PLCL2: variants seen among roughly 807,000 people sequenced by gnomAD.
PLCL2 encodes phospholipase C like 2.
PLCL2 carries 4 observed loss-of-function variants against 79.6 expected under a neutral mutation model. That is an observed-to-expected ratio of 0.05 (90% confidence interval 0.02 to 0.11). The LOEUF (loss-of-function observed/expected upper bound fraction) is 0.11, where lower values mean the gene tolerates loss of function less well. Ranked by LOEUF, PLCL2 falls within the 10% of genes least tolerant of loss-of-function variation. The pLI is 1.00. For missense variants in PLCL2, 895 were observed against 1,291.0 expected, an observed-to-expected ratio of 0.69 and a Z score of 4.70; for synonymous variants, 484 against 457.7, an observed-to-expected ratio of 1.06 and a Z score of -0.73.
intron 5 of PLCL2, among the ~76,000 whole-genome samples, chr3:17,087,390 C>T (rs531438916): frequency 5.9e-5 from 9 of 152,246 alleles, no homozygotes; most frequent in Admixed American, 1.3e-4. Context: ...TATTACTAAG[C>T]GAAAGAAGCC....
At chr3:17,060,114 C>A (rs561644590) in intron 4 of PLCL2, among the ~76,000 whole-genome samples, 8 of 152,206 alleles carry the variant, frequency 5.3e-5, no homozygotes, top group African/African-American at 1.7e-4. Flanking sequence ...TTATCCCACC[C>A]AGGTGAGTCA....
intron 1 of PLCL2, among the ~76,000 whole-genome samples, chr3:16,983,068 A>G (rs2064016294): frequency 6.6e-6 from 1 of 152,224 alleles, no homozygotes; most frequent in African/African-American, 2.4e-5. Context: ...TAAAGTATAT[A>G]CTAAATAACA....
chr3:17,052,813 C>G (rs1382467804), intron 4 of PLCL2, among the ~76,000 whole-genome samples: 4 of 152,094 alleles, frequency 2.6e-5, no homozygotes, highest in African/African-American at 9.7e-5. Context: ...TTCTCTTCCT[C>G]GTGATTTTCT....
intron 1 of PLCL2, among the ~76,000 whole-genome samples, chr3:17,001,885 C>A (rs1425169281): frequency 6.6e-6 from 1 of 151,048 alleles, no homozygotes; most frequent in African/African-American, 2.4e-5. Flanking sequence ...TTTTTTACTT[C>A]TGTGCAGAAT....
At chr3:17,005,226 C>A (rs1034878772) in intron 1 of PLCL2, among the ~76,000 whole-genome samples, 41 of 152,130 alleles carry the variant, frequency 2.7e-4, no homozygotes, top group African/African-American at 9.7e-4. Flanking sequence ...TCCAGCAGGG[C>A]ATTAACTATC....
intron 1 of PLCL2, among the ~76,000 whole-genome samples, chr3:16,892,286 A>G (rs987212424): frequency 7.2e-5 from 11 of 152,234 alleles, no homozygotes; most frequent in Admixed American, 1.3e-4. Context: ...GGTTAATTCT[A>G]TAACTGTTCT....
rs769728195 is a variant in PLCL2 at position 17,089,796 on chromosome 3, T to C, written c.3268T>C (p.Phe1090Leu). Residue 1090 changes from phenylalanine (F) to leucine (L), a missense_variant, in exon 6 of 6, where the codon TTT (phenylalanine) becomes CTT (leucine). Phe to Leu is a conservative substitution (Grantham distance 22). This residue lies in a region of PLCL2 where 298 missense variants were observed against 459.6 expected (regional missense o/e 0.65). Coordinates refer to ENST00000615277, the MANE Select transcript of PLCL2 (RefSeq NM_001144382.2). ...ATTGGAGAACCTGAAACAAATCCATTTTGCTGCTGTTTCATGTGGACTGAA... is the reference window on the plus strand; with the variant it reads ...ATTGGAGAACCTGAAACAAATCCATCTTGCTGCTGTTTCATGTGGACTGAA... ...ETLENLKQIH[F>L]AAVSCGLNKP... The C allele has an allele frequency of 2.5e-6, 4 of 1,613,822 alleles. No individual in the cohort carries two copies. The East Asian group carries it at 8.9e-5, about 36-fold the overall frequency.
intron 5 of PLCL2, chr3:17,081,510 C>T (rs2065162152): frequency 3.9e-6 from 1 of 253,908 alleles, no homozygotes; most frequent in Admixed American, 5.1e-5. Context: ...GTTGTTTTGC[C>T]CCTACGTCTG....
intron 1 of PLCL2, among the ~76,000 whole-genome samples, chr3:16,991,720 T>C (rs567445008): frequency 1.8e-4 from 28 of 152,326 alleles, no homozygotes; most frequent in Non-Finnish European, 2.9e-4. Flanking sequence ...TTTCAAGTTT[T>C]AGTCTTATTA....
rs554630557 is a variant in PLCL2, at chr3:16,986,072, C to A, written c.328-23602C>A. ...TCTGGGTGGGAGACACCTTGTCCAA[C>A]CAATATGAACAGGCACAAGGAGCTG... On this transcript the variant is annotated intron_variant, in intron 1 of 5. Transcript: ENST00000615277. Among the ~76,000 whole-genome samples, 6 of 151,968 alleles carry A rather than the reference C, an allele frequency of 3.9e-5. No homozygotes were observed. In the East Asian group the frequency reaches 1.2e-3, roughly 29 times the overall value.
intron 5 of PLCL2, among the ~76,000 whole-genome samples, chr3:17,088,353 G>C (rs932304362): frequency 6.6e-6 from 1 of 152,088 alleles, no homozygotes; most frequent in Admixed American, 6.5e-5. Context: ...CGGAGGAGGT[G>C]TAAGTAGGAC....
chr3:16,929,456 T>C (rs916796118), intron 1 of PLCL2, among the ~76,000 whole-genome samples: 4 of 151,930 alleles, frequency 2.6e-5, no homozygotes, highest in African/African-American at 9.7e-5. Flanking sequence ...ACTCTGGGAG[T>C]TGGCTTGGAA....
At chr3:16,957,431 G>C (rs554678885) in intron 1 of PLCL2, among the ~76,000 whole-genome samples, 27 of 152,258 alleles carry the variant, frequency 1.8e-4, no homozygotes, top group African/African-American at 5.8e-4. Flanking sequence ...CATTTGCTGA[G>C]GAGTGCTTTA....
At chr3:16,939,502 TTG>T (rs1697624832) in intron 1 of PLCL2, among the ~76,000 whole-genome samples, 1 of 152,208 alleles carries the variant, frequency 6.6e-6, no homozygotes, top group African/African-American at 2.4e-5. Flanking sequence ...CCACAGTTAT[TTG>T]TGAATGTTGT....
chr3:16,995,679 A>G (rs1054375411), intron 1 of PLCL2, among the ~76,000 whole-genome samples: 2 of 152,236 alleles, frequency 1.3e-5, no homozygotes, highest in Non-Finnish European at 2.9e-5. Context: ...TTTGGATTAC[A>G]TTACTAAAAT....
chr3:17,025,626 G>T (rs988831744), intron 3 of PLCL2, among the ~76,000 whole-genome samples: 3 of 152,062 alleles, frequency 2.0e-5, no homozygotes, highest in Non-Finnish European at 4.4e-5. Flanking sequence ...ACACCTACTT[G>T]GGCCACCTTC....
At chr3:16,907,614 G>A (rs1157596230) in intron 1 of PLCL2, among the ~76,000 whole-genome samples, 1 of 152,210 alleles carries the variant, frequency 6.6e-6, no homozygotes, top group African/African-American at 2.4e-5. Flanking sequence ...GTGTGAGTCA[G>A]ACTGGGGGGT....
intron 1 of PLCL2, among the ~76,000 whole-genome samples, chr3:17,000,331 A>G (rs2064196325): frequency 1.3e-5 from 2 of 152,058 alleles, no homozygotes; most frequent in South Asian, 4.1e-4. Flanking sequence ...ATACATTATT[A>G]TTATATATAT....
chr3:17,000,523 A>G (rs1039559416), intron 1 of PLCL2, among the ~76,000 whole-genome samples: 2 of 152,096 alleles, frequency 1.3e-5, no homozygotes, highest in African/African-American at 4.8e-5. Context: ...TGTGCTGTCA[A>G]ACTCTAGAAC....
Sources: gnomAD v4.1 joint callset for allele counts (sites outside exome capture counted in the v4.1 genomes callset) on GRCh38, gnomAD v4.1.1 for gene constraint, gnomAD v4.1.1 regional missense constraint, MANE v1.5 for transcripts, NCBI Gene and HGNC (gene_info 2026-07-23, HGNC 2026-07-21) for gene names.